RCAN2: variants seen among roughly 807,000 people sequenced by gnomAD.
RCAN2 encodes the protein regulator of calcineurin 2.
In RCAN2, 9 loss-of-function variants were observed where a neutral mutation model predicts 23.6. The observed-to-expected ratio is 0.38, with a 90% confidence interval of 0.23 to 0.67. The LOEUF (loss-of-function observed/expected upper bound fraction) is 0.67. RCAN2 is among the 30% of genes least tolerant of loss of function. The pLI is 0.51. For missense variants in RCAN2, 273 were observed against 302.3 expected, an observed-to-expected ratio of 0.90 and a Z score of 0.72; for synonymous variants, 109 against 115.7, an observed-to-expected ratio of 0.94 and a Z score of 0.37.
chr6:46,423,663 T>A (rs1158761838), intron 2 of RCAN2, among the ~76,000 whole-genome samples: 1 of 152,260 alleles, frequency 6.6e-6, no homozygotes, highest in African/African-American at 2.4e-5. Context: ...GGTACCTTAT[T>A]ATCTCATTGT....
At position 46,417,317 on chromosome 6, in the gene RCAN2, A is replaced by G. The variant is rs527274060; in HGVS notation, c.225+39435T>C. 2.3e-3 allele frequency among the ~76,000 whole-genome samples: 349 copies of G among 152,302 alleles called. 1 individual carries two copies. The highest frequency in any genetic ancestry group is 3.9e-3 in the Non-Finnish European group (264 of 68,028). On this transcript the variant is annotated intron_variant, in intron 2 of 4. Coordinates refer to ENST00000371374, the MANE Select transcript of RCAN2 (RefSeq NM_001251974.2). ...ATTTGAGAGATAAAAATGATATCTC[A>G]CTGTTGTTTGGATGTGCATATCTTA...
At chr6:46,258,941 G>T (rs557794131) in intron 2 of RCAN2, among the ~76,000 whole-genome samples, 1 of 152,142 alleles carries the variant, frequency 6.6e-6, no homozygotes, top group African/African-American at 2.4e-5. Context: ...GAGGCAGAGC[G>T]GGGGTGAATC....
intron 2 of RCAN2, among the ~76,000 whole-genome samples, chr6:46,350,851 T>C (rs1330796051): frequency 1.3e-5 from 2 of 152,136 alleles, no homozygotes; most frequent in African/African-American, 4.8e-5. Context: ...TAGTGAACAG[T>C]AGAACTGGGA....
intron 2 of RCAN2, among the ~76,000 whole-genome samples, chr6:46,401,489 T>TGA (rs1480706266): frequency 6.6e-6 from 1 of 151,980 alleles, no homozygotes; most frequent in Non-Finnish European, 1.5e-5. Context: ...TGAGATGTCC[T>TGA]GAGAGAGAGA....
chr6:46,402,089 T>A (rs1290584698), intron 2 of RCAN2, among the ~76,000 whole-genome samples: 2 of 152,082 alleles, frequency 1.3e-5, no homozygotes, highest in Non-Finnish European at 2.9e-5. Context: ...GGAAAATGAG[T>A]AATGTTTCCA....
At chr6:46,387,003 A>C (rs955080955) in intron 2 of RCAN2, among the ~76,000 whole-genome samples, 3 of 152,262 alleles carry the variant, frequency 2.0e-5, no homozygotes, top group African/African-American at 7.2e-5. Context: ...AAATGTGGAA[A>C]GGATTCCCTA....
At chr6:46,240,049 TGAGAG>T (rs140596204) in intron 4 of RCAN2, among the ~76,000 whole-genome samples, 9 of 151,920 alleles carry the variant, frequency 5.9e-5, no homozygotes, top group African/African-American at 1.9e-4. Flanking sequence ...CCACATGGGG[TGAGAG>T]GAAAGTGGCG....
intron 2 of RCAN2, among the ~76,000 whole-genome samples, chr6:46,278,032 C>T (rs562806802): frequency 6.6e-6 from 1 of 152,192 alleles, no homozygotes; most frequent in South Asian, 2.1e-4. Context: ...TTGAAAGTCA[C>T]AATTAATTTT....
intron 1 of RCAN2, among the ~76,000 whole-genome samples, chr6:46,488,507 T>A: frequency 6.6e-6 from 1 of 152,216 alleles, no homozygotes; most frequent in East Asian, 1.9e-4. Context: ...TAGAAACAAC[T>A]TCCTGCTATT....
intron 2 of RCAN2, among the ~76,000 whole-genome samples, chr6:46,398,917 TATATATATAC>T (rs895540723): frequency 4.6e-5 from 7 of 150,862 alleles, no homozygotes; most frequent in African/African-American, 1.2e-4. Flanking sequence ...TATAAATATA[TATATATATAC>T]ATATATATAC....
At chr6:46,233,717 A>ATT (rs1562095035) in intron 4 of RCAN2, among the ~76,000 whole-genome samples, 1 of 125,464 alleles carries the variant, frequency 8.0e-6, no homozygotes, top group Non-Finnish European at 1.7e-5. Context: ...GATGAAGAAC[A>ATT]CTTCTTTTTT....
At chr6:46,430,960 G>A (rs1015804579) in intron 2 of RCAN2, among the ~76,000 whole-genome samples, 1 of 152,188 alleles carries the variant, frequency 6.6e-6, no homozygotes, top group African/African-American at 2.4e-5. Flanking sequence ...TCAGGAAAAT[G>A]ATCTCTGGCA....
intron 2 of RCAN2, among the ~76,000 whole-genome samples, chr6:46,433,288 A>T (rs1161558147): frequency 6.6e-6 from 1 of 152,182 alleles, no homozygotes; most frequent in African/African-American, 2.4e-5. Flanking sequence ...TATGCTGGTT[A>T]GCAGCTCTCA....
intron 1 of RCAN2, among the ~76,000 whole-genome samples, chr6:46,463,254 T>C (rs1768276772): frequency 6.6e-6 from 1 of 152,190 alleles, no homozygotes; most frequent in Non-Finnish European, 1.5e-5. Context: ...ATACGAAGCA[T>C]AGAAAATAAG....
rs1487204581 is a variant in RCAN2 at position 46,404,401 on chromosome 6, T to C, written c.225+52351A>G. On this transcript the variant is annotated intron_variant, in intron 2 of 4. Transcript: ENST00000371374. ...TACCTAAATATATTTTTGTTCATGT[T>C]ATTGGGGCCCTTCTTATTAAAGTTG... Among the ~76,000 whole-genome samples, 3 of 152,328 alleles carry C rather than the reference T, an allele frequency of 2.0e-5. No individual in the cohort carries two copies. The East Asian group carries it at 5.8e-4, about 29-fold the overall frequency.
intron 4 of RCAN2, among the ~76,000 whole-genome samples, chr6:46,233,110 G>A (rs977765724): frequency 6.6e-6 from 1 of 152,042 alleles, no homozygotes; most frequent in African/African-American, 2.4e-5. Context: ...AGGAATCCTG[G>A]ATGGCTTCTC....
chr6:46,415,257 G>T (rs530410967), intron 2 of RCAN2, among the ~76,000 whole-genome samples: 3 of 152,282 alleles, frequency 2.0e-5, no homozygotes, highest in African/African-American at 7.2e-5. Context: ...TGTAGGAACG[G>T]ATTAAGGGTA....
At chr6:46,413,313 G>T (rs1766599503) in intron 2 of RCAN2, among the ~76,000 whole-genome samples, 1 of 152,132 alleles carries the variant, frequency 6.6e-6, no homozygotes, top group Non-Finnish European at 1.5e-5. Flanking sequence ...ATTACATCCT[G>T]GAAACATGAA....
intron 2 of RCAN2, among the ~76,000 whole-genome samples, chr6:46,434,842 G>A (rs1420902871): frequency 1.3e-5 from 2 of 152,150 alleles, no homozygotes; most frequent in African/African-American, 4.8e-5. Context: ...GTCAGCCAGT[G>A]GGTAGAGGCC....
Sources: gnomAD v4.1 joint callset for allele counts (sites outside exome capture counted in the v4.1 genomes callset) on GRCh38, gnomAD v4.1.1 for gene constraint, MANE v1.5 for transcripts, NCBI Gene and HGNC (gene_info 2026-07-23, HGNC 2026-07-21) for gene names.